Variants in NRG3 observed in about 807,000 individuals in gnomAD.
The protein encoded by NRG3 is neuregulin 3.
NRG3 carries 31 observed loss-of-function variants against 66.9 expected under a neutral mutation model. The observed-to-expected ratio is 0.46, with a 90% CI of 0.35 to 0.63. The LOEUF (loss-of-function observed/expected upper bound fraction) is 0.63. NRG3 is among the 20% of genes least tolerant of loss of function. The pLI is 0.00. For synonymous variants in NRG3, 393 were observed against 359.4 expected (o/e 1.09, Z -1.06); for missense variants, 910 against 878.9 (o/e 1.04, Z -0.45).
At chr10:82,325,675 C>T (rs901554911) in intron 1 of NRG3, among the ~76,000 whole-genome samples, 5 of 150,532 alleles carry the variant, frequency 3.3e-5, no homozygotes, top group South Asian at 2.1e-4. Flanking sequence ...TTATTATTTT[C>T]GTGGTTGCTT....
chr10:82,257,799 TG>T (rs1330809193), intron 1 of NRG3, among the ~76,000 whole-genome samples: 2 of 152,186 alleles, frequency 1.3e-5, no homozygotes, highest in Non-Finnish European at 2.9e-5. Flanking sequence ...ATTTTTCCTA[TG>T]ATGTCTATCT....
intron 2 of NRG3, among the ~76,000 whole-genome samples, chr10:82,624,356 T>A (rs2133649877): frequency 6.6e-6 from 1 of 152,274 alleles, no homozygotes; most frequent in East Asian, 1.9e-4. Context: ...AAGGTAGAAA[T>A]TCTCTTTTGC....
chr10:81,976,055 A>T (rs1283377167), intron 1 of NRG3, among the ~76,000 whole-genome samples: 1 of 152,164 alleles, frequency 6.6e-6, no homozygotes, highest in South Asian at 2.1e-4. Context: ...CCAATTAGAC[A>T]CATTTTAGAT....
At chr10:82,113,988 T>C (rs1297596325) in intron 1 of NRG3, among the ~76,000 whole-genome samples, 1 of 152,148 alleles carries the variant, frequency 6.6e-6, no homozygotes, top group Non-Finnish European at 1.5e-5. Flanking sequence ...ACCAGCCTTC[T>C]CCCTACTCCC....
rs552309846 is a variant in NRG3 at position 82,382,511 on chromosome 10, T to A, written c.953+23643T>A. ...ATCTAGTTACCTTATGTACTAAACA[T>A]TTTTGTTAGGTAGATTTTGAATTGT... On this transcript the variant is annotated intron_variant, in intron 2 of 8. Coordinates refer to ENST00000372141, the MANE Select transcript of NRG3 (RefSeq NM_001010848.4). Among the ~76,000 whole-genome samples the A allele has an allele frequency of 3.9e-5, 6 of 152,070 alleles. No individual in the cohort carries two copies. In the East Asian group the frequency reaches 5.8e-4, roughly 15 times the overall value.
At chr10:82,294,670 C>A (rs2079953669) in intron 1 of NRG3, among the ~76,000 whole-genome samples, 1 of 152,160 alleles carries the variant, frequency 6.6e-6, no homozygotes, top group African/African-American at 2.4e-5. Context: ...TCCAGCTTCA[C>A]CACATGATTT....
chr10:82,290,495 G>A (rs1187164919), intron 1 of NRG3, among the ~76,000 whole-genome samples: 1 of 152,080 alleles, frequency 6.6e-6, no homozygotes, highest in African/African-American at 2.4e-5. Context: ...TGTTCAGTTG[G>A]TTCTCTGAAC....
intron 2 of NRG3, among the ~76,000 whole-genome samples, chr10:82,469,541 C>A (rs1841026849): frequency 6.6e-6 from 1 of 152,010 alleles, no homozygotes; most frequent in Non-Finnish European, 1.5e-5. Context: ...AGAAAACTGA[C>A]AAAGACGTAC....
In NRG3 at chr10:82,282,418, C is replaced by A. The variant is rs76260890; in HGVS notation, c.824-76321C>A. Among the ~76,000 whole-genome samples, 476 of 152,050 alleles carry A rather than the reference C, an allele frequency of 3.1e-3. 5 individuals carry two copies. The highest frequency in any genetic ancestry group is 0.011 in the African/African-American group (449 of 41,468). On this transcript the variant is annotated intron_variant, in intron 1 of 8. Transcript: ENST00000372141. Reference sequence around the variant, plus strand: ...GTCACTTCCTTTATGCTAGTGTAGACCCATCAGTAGTAGGTCACCTGGAAG... The same window carrying A: ...GTCACTTCCTTTATGCTAGTGTAGAACCATCAGTAGTAGGTCACCTGGAAG...
intron 2 of NRG3, among the ~76,000 whole-genome samples, chr10:82,377,451 T>C (rs943256056): frequency 7.1e-5 from 9 of 125,992 alleles, no homozygotes; most frequent in Non-Finnish European, 1.3e-4. Context: ...TGTGTGTGTG[T>C]GTGTGTGCGC....
Position 82,671,698 on chromosome 10 carries a change from T to C in NRG3, c.954-66879T>C, listed in dbSNP as rs148641757. ...GAGGTAAACGATACTTCATAGGTGG[T>C]AAATACCTGATTACAGAGAGATGAA... On this transcript the variant is annotated intron_variant, in intron 2 of 8. Coordinates refer to ENST00000372141, the MANE Select transcript of NRG3 (RefSeq NM_001010848.4). Among the ~76,000 whole-genome samples the C allele has an allele frequency of 7.7e-3, 1,177 of 152,338 alleles. 9 individuals are homozygous for C. The highest frequency in any genetic ancestry group is 0.014 in the Admixed American group (213 of 15,300).
intron 2 of NRG3, among the ~76,000 whole-genome samples, chr10:82,666,292 A>G (rs1402586820): frequency 6.6e-6 from 1 of 152,148 alleles, no homozygotes. Flanking sequence ...TCAAACCTTT[A>G]TTATAGCTCA....
intron 3 of NRG3, among the ~76,000 whole-genome samples, chr10:82,824,968 T>G (rs957289023): frequency 9.2e-5 from 14 of 152,150 alleles, no homozygotes; most frequent in African/African-American, 3.4e-4. Flanking sequence ...TTCCTCAGCC[T>G]CCCAAAGTGT....
intron 2 of NRG3, among the ~76,000 whole-genome samples, chr10:82,664,331 G>C (rs564552792): frequency 2.6e-5 from 4 of 152,174 alleles, no homozygotes; most frequent in Admixed American, 2.0e-4. Context: ...TGATTAAAAA[G>C]TAGATATCCT....
At chr10:82,032,226 A>G (rs1362657193) in intron 1 of NRG3, among the ~76,000 whole-genome samples, 2 of 151,558 alleles carry the variant, frequency 1.3e-5, no homozygotes, top group Non-Finnish European at 2.9e-5. Flanking sequence ...AACTTCATTT[A>G]TTATAAGACA....
At chr10:82,405,119 G>A (rs1422540111) in intron 2 of NRG3, among the ~76,000 whole-genome samples, 1 of 152,110 alleles carries the variant, frequency 6.6e-6, no homozygotes, top group Non-Finnish European at 1.5e-5. Context: ...AGGACAATGA[G>A]GGTACTAAAC....
chr10:82,249,604 C>T (rs1775240606), intron 1 of NRG3, among the ~76,000 whole-genome samples: 1 of 152,162 alleles, frequency 6.6e-6, no homozygotes, highest in African/African-American at 2.4e-5. Flanking sequence ...CCCTGACCCA[C>T]TTGTCTGCCA....
At chr10:82,893,862 G>A (rs1430510659) in intron 4 of NRG3, among the ~76,000 whole-genome samples, 2 of 151,778 alleles carry the variant, frequency 1.3e-5, no homozygotes, top group Admixed American at 6.6e-5. Context: ...ATGAATCATA[G>A]TAAACCAAAA....
chr10:82,970,067 G>C (rs960154204), intron 6 of NRG3, among the ~76,000 whole-genome samples: 3 of 151,660 alleles, frequency 2.0e-5, no homozygotes, highest in African/African-American at 4.8e-5. Context: ...TCACTTTTGT[G>C]TTTATTTCCG....
Sources: allele counts gnomAD v4.1 joint callset (sites outside exome capture counted in the v4.1 genomes callset), GRCh38; gene constraint gnomAD v4.1.1; transcripts MANE v1.5; gene names NCBI Gene and HGNC (gene_info 2026-07-23, HGNC 2026-07-21).